Variants in VPS41 observed in about 807,000 individuals in gnomAD.
The protein encoded by VPS41 is VPS41 subunit of HOPS complex, also known as vacuolar protein sorting-associated protein 41 homolog.
In VPS41, 85 loss-of-function variants were observed where a neutral mutation model predicts 130.9. The ratio of observed to expected loss-of-function variants is 0.65; its 90% CI spans 0.55 to 0.78. The LOEUF is 0.78. VPS41 is among the 30% of genes least tolerant of loss of function. VPS41 has a pLI of 0.00. For missense variants in VPS41, 874 were observed against 1,018.7 expected (o/e 0.86, Z 1.93); for synonymous variants, 335 against 332.9 (o/e 1.01, Z -0.07).
intron 17 of VPS41, among the ~76,000 whole-genome samples, chr7:38,760,108 G>A (rs1456984792): frequency 1.3e-5 from 2 of 152,048 alleles, no homozygotes; most frequent in African/African-American, 4.8e-5. Context: ...AGCTGATTCT[G>A]GGCCAGTATC....
chr7:38,831,470 G>A (rs1785386146), intron 4 of VPS41: 1 of 256,056 alleles, frequency 3.9e-6, no homozygotes, highest in Admixed American at 5.3e-5. Context: ...TTCTACTGGA[G>A]AGCGTTGTTC....
chr7:38,849,268 A>T (rs1219433755), intron 4 of VPS41, among the ~76,000 whole-genome samples: 2 of 152,064 alleles, frequency 1.3e-5, no homozygotes, highest in African/African-American at 4.8e-5. Flanking sequence ...GGCAGCATCT[A>T]GGGGTGAATG....
In VPS41 at chr7:38,725,759, A is replaced by G. The variant is rs1795525777; in HGVS notation, c.*487T>C. The G allele has an allele frequency of 1.3e-5, 2 of 155,612 alleles. No individual in the cohort carries two copies. Among genetic ancestry groups the G allele is most frequent in the African/African-American group, 4.8e-5 (2 of 41,448 alleles). The allele number at this position is 155,612 out of a possible 1,614,324, so 9.6% of individuals were successfully genotyped here. On this transcript the variant is annotated 3_prime_UTR_variant, in exon 29 of 29. Transcript: ENST00000310301. ...TCATTAAATGCCTATTTAGAGGATA[A>G]CCATAGTTGATGACACAGAAAAAAG...
chr7:38,850,593 T>C (rs887717109), intron 4 of VPS41, among the ~76,000 whole-genome samples: 3 of 152,210 alleles, frequency 2.0e-5, no homozygotes, highest in Non-Finnish European at 4.4e-5. Flanking sequence ...AATCGTAGTA[T>C]TTCATTTAAT....
At chr7:38,905,469 A>C (rs935573537) in intron 1 of VPS41, among the ~76,000 whole-genome samples, 1 of 152,220 alleles carries the variant, frequency 6.6e-6, no homozygotes, top group African/African-American at 2.4e-5. Flanking sequence ...ATTAGGCAAA[A>C]GCAAGAATTT....
At chr7:38,833,552 T>C (rs1267955035) in intron 4 of VPS41, among the ~76,000 whole-genome samples, 2 of 152,190 alleles carry the variant, frequency 1.3e-5, no homozygotes, top group Non-Finnish European at 2.9e-5. Context: ...AATGCCTTTC[T>C]GCCTACTCTG....
chr7:38,796,444 A>T, intron 8 of VPS41: 1 of 503,634 alleles, frequency 2.0e-6, no homozygotes, highest in Non-Finnish European at 3.9e-6. Context: ...GATATTTTCA[A>T]GACCCATTCC....
At chr7:38,746,509 C>T (rs1795987853) in intron 22 of VPS41, among the ~76,000 whole-genome samples, 1 of 152,020 alleles carries the variant, frequency 6.6e-6, no homozygotes, top group Non-Finnish European at 1.5e-5. Flanking sequence ...CAGGAAGTGA[C>T]AGAGATGTGA....
At chr7:38,772,397 C>A in intron 13 of VPS41, 125 bp downstream of exon 13, 1 of 608,662 alleles carries the variant, frequency 1.6e-6, no homozygotes, top group Non-Finnish European at 2.8e-6. Context: ...TATTAACTTC[C>A]TACATATTTT....
At chr7:38,804,491 T>A (rs540575335) in intron 7 of VPS41, among the ~76,000 whole-genome samples, 13 of 152,234 alleles carry the variant, frequency 8.5e-5, no homozygotes, top group Admixed American at 8.5e-4. Flanking sequence ...TTGCAGTTAA[T>A]TCTGCGAAAC....
At chr7:38,853,332 C>G (rs753642347) in intron 4 of VPS41, among the ~76,000 whole-genome samples, 10 of 145,854 alleles carry the variant, frequency 6.9e-5, no homozygotes, top group Admixed American at 1.4e-4. Context: ...GGCAGGAGAA[C>G]GGCATCAACC....
intron 9 of VPS41, among the ~76,000 whole-genome samples, chr7:38,791,433 T>TAC: frequency 6.6e-6 from 1 of 152,316 alleles, no homozygotes; most frequent in South Asian, 2.1e-4. Context: ...GCTCCTGAGT[T>TAC]AAGGCCTTTG....
chr7:38,730,573 G>C (rs561931869), intron 25 of VPS41, among the ~76,000 whole-genome samples: 3 of 150,888 alleles, frequency 2.0e-5, no homozygotes. Context: ...AATTTTTTTT[G>C]GATTTTTAAA....
At chr7:38,893,561 C>T (rs1477278302) in intron 2 of VPS41, among the ~76,000 whole-genome samples, 3 of 152,242 alleles carry the variant, frequency 2.0e-5, no homozygotes, top group Admixed American at 1.3e-4. Context: ...AGTAGTCTGG[C>T]TCACAATATC....
chr7:38,787,303 T>C (rs1784456914), intron 10 of VPS41, among the ~76,000 whole-genome samples: 1 of 152,082 alleles, frequency 6.6e-6, no homozygotes, highest in Non-Finnish European at 1.5e-5. Context: ...CCAACTACCA[T>C]ACCACAGAGA....
intron 25 of VPS41, among the ~76,000 whole-genome samples, chr7:38,735,862 G>A (rs1019872296): frequency 2.0e-5 from 3 of 152,202 alleles, no homozygotes; most frequent in Non-Finnish European, 2.9e-5. Flanking sequence ...GAGAAGGGCT[G>A]TCCTGCTACC....
rs531140003 is a variant in VPS41, at chr7:38,852,176, G to A, written c.246+10369C>T. Among the ~76,000 whole-genome samples, 4 of 152,288 alleles carry A rather than the reference G, an allele frequency of 2.6e-5. No homozygotes were observed. The South Asian group carries it at 8.3e-4, about 32-fold the overall frequency. The stretch of plus-strand genomic sequence containing the variant: ...ATGCAACCACAGGGGGAATCTAAGA[G>A]CAGGATGAATTAAGAAGCGAACACC... On this transcript the variant is annotated intron_variant, in intron 4 of 28. Coordinates refer to ENST00000310301, the MANE Select transcript of VPS41 (RefSeq NM_014396.4).
In VPS41 at chr7:38,725,389, T is replaced by C. The variant is rs1283735801; in HGVS notation, c.*857A>G. ...GTCCTTCAGCATCAGGTGGTCCCAC[T>C]GCTCCTGAGGCACCCTCAGTTTTCA... is the stretch of plus-strand genomic sequence containing the variant. On this transcript the variant is annotated 3_prime_UTR_variant, in exon 29 of 29. Transcript: ENST00000310301. 6.6e-6 allele frequency: 1 copy of C among 152,250 alleles called. No homozygotes were observed. The highest frequency in any genetic ancestry group is 1.5e-5 in the Non-Finnish European group (1 of 68,076). 9.4% of individuals were successfully genotyped at this position (152,250 alleles called of 1,614,324 possible).
At chr7:38,813,362 G>A (rs1784980800) in intron 7 of VPS41, among the ~76,000 whole-genome samples, 1 of 152,124 alleles carries the variant, frequency 6.6e-6, no homozygotes, top group Admixed American at 6.5e-5. Context: ...GATGAGAGGA[G>A]GGGAGGAAGG....
Sources: allele counts gnomAD v4.1 joint callset (sites outside exome capture counted in the v4.1 genomes callset), GRCh38; gene constraint gnomAD v4.1.1; transcripts MANE v1.5; gene names NCBI Gene and HGNC (gene_info 2026-07-23, HGNC 2026-07-21).